CDC20B: variants seen among roughly 807,000 people sequenced by gnomAD.
The protein encoded by CDC20B is cell division cycle protein 20 homolog B.
A neutral mutation model predicts 64.1 loss-of-function variants in CDC20B; 58 were observed. The observed-to-expected ratio is 0.90, with a 90% CI of 0.73 to 1.13. The LOEUF is 1.13. CDC20B is among the 50% of genes most tolerant of loss of function. The pLI is 0.00. For synonymous variants in CDC20B, 243 were observed against 230.6 expected, an observed-to-expected ratio of 1.05 and a Z score of -0.49; for missense variants, 597 against 633.0, an observed-to-expected ratio of 0.94 and a Z score of 0.61.
chr5:55,143,382 A>T lies in CDC20B; in HGVS notation c.486+131T>A, dbSNP rs1354194621. On this transcript the variant is annotated intron_variant, in intron 4 of 11. Transcript: ENST00000381375. ...CTCTATTCATATCCTTCAATTATTC[A>T]TTTTTTATCAGGAATGCATCATTTT... 7 of 945,270 alleles carry T rather than the reference A, an allele frequency of 7.4e-6. No individual in the cohort carries two copies. The East Asian group carries it at 2.0e-4, about 26-fold the overall frequency. 58.6% of individuals were successfully genotyped at this position (945,270 alleles called of 1,614,324 possible).
At chr5:55,133,139 C>T (rs1743072398) in intron 6 of CDC20B, among the ~76,000 whole-genome samples, 1 of 152,176 alleles carries the variant, frequency 6.6e-6, no homozygotes, top group Non-Finnish European at 1.5e-5. Flanking sequence ...ATTTAAAATA[C>T]ATACATAAGA....
intron 9 of CDC20B, among the ~76,000 whole-genome samples, chr5:55,123,178 A>T (rs1238760912): frequency 6.6e-6 from 1 of 152,188 alleles, no homozygotes; most frequent in Non-Finnish European, 1.5e-5. Context: ...GGTGAATGTA[A>T]TGTTTTCAGT....
intron 11 of CDC20B, among the ~76,000 whole-genome samples, chr5:55,118,232 T>C (rs1742669387): frequency 6.6e-6 from 1 of 152,234 alleles, no homozygotes; most frequent in Non-Finnish European, 1.5e-5. Context: ...CAACTTTGTA[T>C]GTATGTTTTG....
chr5:55,134,793 A>T (rs977696116), intron 5 of CDC20B, among the ~76,000 whole-genome samples: 1 of 152,226 alleles, frequency 6.6e-6, no homozygotes, highest in East Asian at 1.9e-4. Flanking sequence ...TAAGTGAAAG[A>T]AGACAATCTG....
intron 11 of CDC20B, among the ~76,000 whole-genome samples, chr5:55,115,709 T>A (rs150661497): frequency 1.2e-4 from 18 of 152,316 alleles, no homozygotes; most frequent in African/African-American, 4.3e-4. Flanking sequence ...TACGACTCAA[T>A]TGAGAGCTGG....
chr5:55,119,925 T>C lies in CDC20B; in HGVS notation c.1342-7A>G. 3 of 1,578,152 alleles carry C rather than the reference T, an allele frequency of 1.9e-6. No homozygotes were observed. Among genetic ancestry groups the C allele is most frequent in the Non-Finnish European group, 1.7e-6 (2 of 1,147,368 alleles). ...GCCAGATTAAGGAACAAATCTGTAA[T>C]AATGATCAAAAATAGAGAATTCTTG... On this transcript the variant is annotated splice_polypyrimidine_tract_variant and splice_region_variant and intron_variant, in intron 10 of 11. Transcript: ENST00000381375.
intron 2 of CDC20B, among the ~76,000 whole-genome samples, chr5:55,169,591 T>C (rs1447279738): frequency 6.6e-6 from 1 of 152,216 alleles, no homozygotes; most frequent in Non-Finnish European, 1.5e-5. Flanking sequence ...CTTCCAAATA[T>C]TTCATGAACC....
chr5:55,131,140 C>T (rs954217912), intron 6 of CDC20B, among the ~76,000 whole-genome samples: 2 of 151,954 alleles, frequency 1.3e-5, no homozygotes, highest in Admixed American at 1.3e-4. Flanking sequence ...CTCAAAACCT[C>T]CCTCAAAAAA....
At chr5:55,169,909 C>G (rs532795320) in intron 2 of CDC20B, among the ~76,000 whole-genome samples, 51 of 152,180 alleles carry the variant, frequency 3.4e-4, no homozygotes, top group African/African-American at 1.2e-3. Flanking sequence ...GTCAGGAGAT[C>G]GAGACCATCC....
intron 2 of CDC20B, chr5:55,160,897 T>C (rs1339862982): frequency 3.2e-6 from 4 of 1,255,486 alleles, no homozygotes; most frequent in African/African-American, 3.0e-5. Context: ...TCAGAGGTTA[T>C]AGTCCCCCCC....
chr5:55,151,710 G>T (rs1385933612), intron 2 of CDC20B, among the ~76,000 whole-genome samples: 1 of 152,170 alleles, frequency 6.6e-6, no homozygotes, highest in African/African-American at 2.4e-5. Context: ...CACTTAGGAT[G>T]TTCATCCCCA....
chr5:55,158,877 A>T (rs1743897656), intron 2 of CDC20B, among the ~76,000 whole-genome samples: 1 of 152,160 alleles, frequency 6.6e-6, no homozygotes, highest in African/African-American at 2.4e-5. Context: ...TAAAGAGAAA[A>T]AACGAAGCAA....
chr5:55,133,875 A>G (rs1339409890), intron 5 of CDC20B, among the ~76,000 whole-genome samples: 1 of 152,146 alleles, frequency 6.6e-6, no homozygotes, highest in African/African-American at 2.4e-5. Flanking sequence ...ACCAAAGTGA[A>G]TTTTGCTTTT....
In CDC20B at chr5:55,120,438, C is replaced by A. The variant is rs370277291; in HGVS notation, c.1328G>T (p.Ser443Ile). The A allele has an allele frequency of 3.4e-5, 55 of 1,613,572 alleles. No individual in the cohort carries two copies. The highest frequency in any genetic ancestry group is 4.4e-5 in the Non-Finnish European group (52 of 1,179,762). Residue 443 changes from serine to isoleucine, a missense_variant, in exon 10 of 12, where the codon AGC becomes ATC. Ser to Ile is a moderately radical substitution (Grantham distance 142, BLOSUM62 -2). Coordinates refer to ENST00000381375, the MANE Select transcript of CDC20B (RefSeq NM_001170402.1). ...INAGKSIQTPSTNSQICSLIW... is the reference protein window; with the variant it reads ...INAGKSIQTPITNSQICSLIW... ...GGAGATATTAACCTGTGAGTTTGTG[C>A]TTGGGGTCTGGATGCTCTTCCCAGC...
At chr5:55,162,299 G>A (rs962466876) in intron 2 of CDC20B, among the ~76,000 whole-genome samples, 1 of 152,316 alleles carries the variant, frequency 6.6e-6, no homozygotes, top group East Asian at 1.9e-4. Flanking sequence ...AGGAGGCTGA[G>A]GCAGGAGAAT....
chr5:55,160,118 A>T, intron 2 of CDC20B: 1 of 1,120,530 alleles, frequency 8.9e-7, no homozygotes, highest in Non-Finnish European at 1.4e-6. Context: ...GTTTTCCGTT[A>T]AACTAAGCCG....
At position 55,148,860 on chromosome 5, in the gene CDC20B, G is replaced by A. The variant is rs554011289; in HGVS notation, c.127-2004C>T. Among the ~76,000 whole-genome samples the A allele has an allele frequency of 5.3e-5, 8 of 152,238 alleles. No individual in the cohort carries two copies. In the East Asian group the frequency reaches 9.6e-4, roughly 18 times the overall value. ...CATCTGTGAAGCAGATCTTATTTAC[G>A]CCCATTTTATCAGTGAAGAAACTGA... On this transcript the variant is annotated intron_variant, in intron 2 of 11. Coordinates refer to ENST00000381375, the MANE Select transcript of CDC20B (RefSeq NM_001170402.1).
chr5:55,170,421 T>C (rs1434410793), intron 2 of CDC20B: 5 of 438,930 alleles, frequency 1.1e-5, no homozygotes, highest in African/African-American at 4.0e-5. Context: ...AGTATTACTG[T>C]ATTATAAGCT....
intron 2 of CDC20B, among the ~76,000 whole-genome samples, chr5:55,169,046 A>C (rs1240598977): frequency 1.3e-5 from 2 of 152,234 alleles, no homozygotes; most frequent in African/African-American, 4.8e-5. Context: ...AAAGCTTCTA[A>C]ATTTAGTAGG....
Sources: allele counts gnomAD v4.1 joint callset (sites outside exome capture counted in the v4.1 genomes callset), GRCh38; gene constraint gnomAD v4.1.1; transcripts MANE v1.5; gene names NCBI Gene and HGNC (gene_info 2026-07-23, HGNC 2026-07-21).